PALM2AKAP2: variants seen among roughly 807,000 people sequenced by gnomAD.
PALM2AKAP2 encodes PALM2 and AKAP2 fusion.
Under a neutral mutation model 71.5 loss-of-function variants are expected in PALM2AKAP2, and 37 were observed. That is an observed-to-expected ratio of 0.52 (90% CI 0.40 to 0.68). The LOEUF (loss-of-function observed/expected upper bound fraction) is 0.68. PALM2AKAP2 is among the 30% of genes least tolerant of loss of function. The pLI, the probability that PALM2AKAP2 is intolerant of heterozygous loss-of-function variation, is 0.00. For missense variants in PALM2AKAP2, 1,224 were observed against 1,191.8 expected (o/e 1.03, Z -0.40); for synonymous variants, 468 against 478.8 (o/e 0.98, Z 0.29).
chr9:109,959,241 T>C (rs989266834), intron 6 of PALM2AKAP2, among the ~76,000 whole-genome samples: 1 of 152,208 alleles, frequency 6.6e-6, no homozygotes, highest in Non-Finnish European at 1.5e-5. Flanking sequence ...GAATGTCCAG[T>C]GTACTGGGTC....
intron 6 of PALM2AKAP2, among the ~76,000 whole-genome samples, chr9:110,009,210 T>C (rs764519370): frequency 1.3e-5 from 2 of 151,974 alleles, no homozygotes; most frequent in Non-Finnish European, 1.5e-5. Flanking sequence ...GTACAGTCAG[T>C]GTCCTTCCAT....
chr9:109,913,543 C>T (rs1407454119), intron 3 of PALM2AKAP2, among the ~76,000 whole-genome samples: 1 of 152,230 alleles, frequency 6.6e-6, no homozygotes, highest in East Asian at 1.9e-4. Context: ...AATTCACAAC[C>T]TTGCAATTGC....
At chr9:109,754,400 G>A (rs996194) in intron 1 of PALM2AKAP2, among the ~76,000 whole-genome samples, 46,343 of 151,932 alleles carry the variant, frequency 0.31, 7,216 homozygotes, top group Middle Eastern at 0.4. Flanking sequence ...TTTTTGTCTT[G>A]TTATGGTAAG....
At chr9:110,145,179 T>G (rs939900493) in intron 2 of PALM2AKAP2, among the ~76,000 whole-genome samples, 1 of 152,082 alleles carries the variant, frequency 6.6e-6, no homozygotes, top group Non-Finnish European at 1.5e-5. Context: ...GGTGTATAAA[T>G]TTGACTCTCA....
chr9:109,696,026 T>C (rs1827965057), intron 1 of PALM2AKAP2, among the ~76,000 whole-genome samples: 1 of 152,180 alleles, frequency 6.6e-6, no homozygotes, highest in Non-Finnish European at 1.5e-5. Flanking sequence ...TTGGAATGTT[T>C]CCAATACAAA....
At chr9:109,845,863 C>T (rs1828839214) in intron 1 of PALM2AKAP2, among the ~76,000 whole-genome samples, 1 of 152,142 alleles carries the variant, frequency 6.6e-6, no homozygotes, top group South Asian at 2.1e-4. Flanking sequence ...CATTCATTTA[C>T]TTATTGAGTG....
intron 6 of PALM2AKAP2, among the ~76,000 whole-genome samples, chr9:109,990,271 G>A (rs1832453481): frequency 6.6e-6 from 1 of 151,978 alleles, no homozygotes. Context: ...TGTTGGCAAG[G>A]CTGGTCTCGA....
chr9:110,083,332 G>A (rs1366604293), intron 1 of PALM2AKAP2, among the ~76,000 whole-genome samples: 1 of 151,846 alleles, frequency 6.6e-6, no homozygotes, highest in Non-Finnish European at 1.5e-5. Flanking sequence ...TTTTAAAAAG[G>A]CATAAGTCTA....
intron 1 of PALM2AKAP2, among the ~76,000 whole-genome samples, chr9:110,050,730 C>T (rs1255938623): frequency 6.6e-6 from 1 of 152,138 alleles, no homozygotes; most frequent in Non-Finnish European, 1.5e-5. Context: ...TGGGTTCAAG[C>T]AATTCTCCTG....
chr9:109,695,472 T>G (rs552974728), intron 1 of PALM2AKAP2, among the ~76,000 whole-genome samples: 1 of 152,318 alleles, frequency 6.6e-6, no homozygotes, highest in African/African-American at 2.4e-5. Context: ...ATTTTTTGTC[T>G]TTTTGATAAT....
chr9:110,137,536 G>A (rs376825177), exon 2 of PALM2AKAP2: 25 of 1,614,106 alleles, frequency 1.5e-5, no homozygotes, highest in African/African-American at 2.7e-5. Flanking sequence ...TGTGGGCTGA[G>A]GATGGAGAAT....
intron 1 of PALM2AKAP2, among the ~76,000 whole-genome samples, chr9:109,730,924 A>G (rs1239375555): frequency 2.0e-5 from 3 of 151,616 alleles, no homozygotes; most frequent in Admixed American, 1.3e-4. Flanking sequence ...AAAGGATAAC[A>G]TAACATCCCT....
At chr9:109,824,747 C>T (rs986579966) in intron 1 of PALM2AKAP2, among the ~76,000 whole-genome samples, 11 of 152,150 alleles carry the variant, frequency 7.2e-5, no homozygotes, top group Non-Finnish European at 8.8e-5. Flanking sequence ...GATAGGGATC[C>T]AGAAATATTT....
intron 1 of PALM2AKAP2, among the ~76,000 whole-genome samples, chr9:109,648,201 A>G (rs1248622740): frequency 1.3e-5 from 2 of 152,202 alleles, no homozygotes; most frequent in Non-Finnish European, 1.5e-5. Flanking sequence ...AGGCCTCTCC[A>G]GCCATGCAGA....
chr9:109,714,660 G>A (rs1188036737), intron 1 of PALM2AKAP2, among the ~76,000 whole-genome samples: 1 of 152,134 alleles, frequency 6.6e-6, no homozygotes, highest in East Asian at 1.9e-4. Context: ...CGATAATTAT[G>A]ACCATGTATT....
intron 7 of PALM2AKAP2, among the ~76,000 whole-genome samples, chr9:110,034,941 G>T (rs948410826): frequency 6.6e-6 from 1 of 151,732 alleles, no homozygotes; most frequent in Non-Finnish European, 1.5e-5. Context: ...TCTGAAAATA[G>T]CTGTGTTTAT....
chr9:109,892,173 G>A (rs888236788), intron 3 of PALM2AKAP2, among the ~76,000 whole-genome samples: 8 of 152,174 alleles, frequency 5.3e-5, no homozygotes, highest in Non-Finnish European at 1.0e-4. Flanking sequence ...TGGCAGGGCT[G>A]TGCTTTCCCC....
intron 1 of PALM2AKAP2, among the ~76,000 whole-genome samples, chr9:110,087,162 C>T (rs1834592439): frequency 6.6e-6 from 1 of 152,166 alleles, no homozygotes; most frequent in South Asian, 2.1e-4. Context: ...CTAACTCTAC[C>T]CCACTTTAAG....
chr9:110,011,430 G>A lies in PALM2AKAP2; in HGVS notation c.497-4524G>A, dbSNP rs116432819. 6.4e-3 allele frequency among the ~76,000 whole-genome samples: 967 copies of A among 152,080 alleles called. 9 individuals carry two copies. Among genetic ancestry groups the A allele is most frequent in the African/African-American group, 0.022 (922 of 41,478 alleles). ...TAGTTATAAACCATGGATGTTAGTC[G>A]AGGGGAAACTCTTCTCCGGAACTCA... On this transcript the variant is annotated intron_variant, in intron 6 of 9. Coordinates refer to the PALM2AKAP2 transcript ENST00000302798.
Sources: allele counts gnomAD v4.1 joint callset (sites outside exome capture counted in the v4.1 genomes callset), GRCh38; gene constraint gnomAD v4.1.1; transcripts MANE v1.5; gene names NCBI Gene and HGNC (gene_info 2026-07-23, HGNC 2026-07-21).